SYT1: variants seen among roughly 807,000 people sequenced by gnomAD.
SYT1 encodes synaptotagmin-1.
A neutral mutation model predicts 44.8 loss-of-function variants in SYT1; 8 were observed. The ratio of observed to expected loss-of-function variants is 0.18; its 90% CI spans 0.10 to 0.32. SYT1 has a LOEUF of 0.32. SYT1 is among the 10% of genes least tolerant of loss of function. SYT1 has a pLI of 1.00. For missense variants in SYT1, 286 were observed against 509.3 expected (o/e 0.56, Z 4.22); for synonymous variants, 154 against 188.8 (o/e 0.82, Z 1.51).
chr12:79,435,142 A>G (rs1433614510), intron 9 of SYT1, among the ~76,000 whole-genome samples: 1 of 152,066 alleles, frequency 6.6e-6, no homozygotes, highest in Non-Finnish European at 1.5e-5. Context: ...ATGATATAAG[A>G]CTTGTAGCTG....
At chr12:79,057,562 A>AATATATT (rs1332416883) in intron 3 of SYT1, among the ~76,000 whole-genome samples, 14 of 152,060 alleles carry the variant, frequency 9.2e-5, no homozygotes, top group Non-Finnish European at 1.9e-4. Context: ...CCTAGGAAGT[A>AATATATT]ATATATTTTT....
At chr12:79,328,081 T>C (rs914604995) in intron 8 of SYT1, among the ~76,000 whole-genome samples, 23 of 152,306 alleles carry the variant, frequency 1.5e-4, no homozygotes, top group African/African-American at 5.5e-4. Context: ...AGAAAGCCAA[T>C]TTTTTGGCAG....
At chr12:79,308,156 T>A (rs1339605432) in intron 8 of SYT1, among the ~76,000 whole-genome samples, 3 of 152,200 alleles carry the variant, frequency 2.0e-5, no homozygotes, top group African/African-American at 7.2e-5. Flanking sequence ...CTGTAAGTCA[T>A]GCCAATATGA....
chr12:79,220,192 C>A (rs1875070672), intron 4 of SYT1, among the ~76,000 whole-genome samples: 1 of 151,802 alleles, frequency 6.6e-6, no homozygotes, highest in Admixed American at 6.6e-5. Flanking sequence ...CTTGGTTATC[C>A]AATTTGTTGG....
In SYT1 at chr12:79,018,358, G is replaced by C. The variant is rs554501143; in HGVS notation, c.-83-28939G>C. Among the ~76,000 whole-genome samples the C allele has an allele frequency of 7.6e-5, 11 of 145,338 alleles. No individual in the cohort carries two copies. In the South Asian group the frequency reaches 1.9e-3, roughly 25 times the overall value. ...AGGGACGGTTGTGGGGTAGGGGAGG[G>C]GGGAGGGATAGCATTAGGAGATATA... On this transcript the variant is annotated intron_variant, in intron 2 of 10. Transcript: ENST00000261205.
intron 1 of SYT1, among the ~76,000 whole-genome samples, chr12:78,965,170 G>A (rs1046602389): frequency 1.3e-5 from 2 of 151,964 alleles, no homozygotes; most frequent in African/African-American, 2.4e-5. Context: ...CTATTTGTTA[G>A]TTCCTCACCA....
intron 2 of SYT1, among the ~76,000 whole-genome samples, chr12:78,981,868 C>T (rs987898968): frequency 1.3e-5 from 2 of 152,100 alleles, no homozygotes; most frequent in South Asian, 2.1e-4. Context: ...TTGTATTTTA[C>T]CATTTCTCAT....
chr12:78,981,039 A>T (rs868659216), intron 2 of SYT1, among the ~76,000 whole-genome samples: 2 of 151,776 alleles, frequency 1.3e-5, no homozygotes, highest in Non-Finnish European at 2.9e-5. Context: ...TTGCTCATAA[A>T]TGGTAGGCTT....
intron 9 of SYT1, among the ~76,000 whole-genome samples, chr12:79,409,637 G>A (rs1868344154): frequency 6.6e-6 from 1 of 152,042 alleles, no homozygotes; most frequent in Admixed American, 6.6e-5. Context: ...TCTAAAGCCA[G>A]TTTTCAGTTT....
chr12:79,282,808 A>C (rs1879118526), intron 4 of SYT1, among the ~76,000 whole-genome samples: 1 of 151,976 alleles, frequency 6.6e-6, no homozygotes, highest in South Asian at 2.1e-4. Context: ...AGTGATACTG[A>C]ACAAAACTGC....
At chr12:79,207,400 T>C (rs892928003) in intron 3 of SYT1, among the ~76,000 whole-genome samples, 1 of 152,226 alleles carries the variant, frequency 6.6e-6, no homozygotes, top group Non-Finnish European at 1.5e-5. Flanking sequence ...CCAGGATACA[T>C]GTACAGGACA....
chr12:78,869,022 G>A (rs1873686602), intron 1 of SYT1: 1 of 151,768 alleles, frequency 6.6e-6, no homozygotes, highest in African/African-American at 2.4e-5. Context: ...TTGCATTAAG[G>A]TAAACATTCT....
At chr12:79,069,395 CT>C (rs1390038665) in intron 3 of SYT1, among the ~76,000 whole-genome samples, 1 of 152,026 alleles carries the variant, frequency 6.6e-6, no homozygotes, top group African/African-American at 2.4e-5. Context: ...GACTTAAGCT[CT>C]TATTTAAATG....
intron 8 of SYT1, among the ~76,000 whole-genome samples, chr12:79,337,299 A>G (rs1420708574): frequency 6.6e-6 from 1 of 152,144 alleles, no homozygotes; most frequent in East Asian, 1.9e-4. Flanking sequence ...CAGCTCCCTG[A>G]CAAGAAGGAA....
chr12:78,977,140 G>A (rs553545499), intron 1 of SYT1, among the ~76,000 whole-genome samples: 6 of 152,220 alleles, frequency 3.9e-5, no homozygotes, highest in South Asian at 4.2e-4. Flanking sequence ...AAGGGAACCC[G>A]AAAGGGCAAA....
At chr12:78,941,065 C>CTTTTTTTTTTTTTTTTTTTTTTTTTTT (rs398044555) in intron 1 of SYT1, among the ~76,000 whole-genome samples, 7 of 68,444 alleles carry the variant, frequency 1.0e-4, no homozygotes, top group Admixed American at 3.7e-4. Flanking sequence ...CTTTTTTTTT[C>CTTTTTTTTTTTTTTTTTTTTTTTTTTT]TTTTTTTTTT....
At chr12:79,082,153 G>T (rs764320560) in intron 3 of SYT1, among the ~76,000 whole-genome samples, 1 of 152,118 alleles carries the variant, frequency 6.6e-6, no homozygotes, top group Admixed American at 6.6e-5. Flanking sequence ...ACCTTTTATA[G>T]ATGCTTTCTT....
At chr12:79,112,114 G>A (rs1050617191) in intron 3 of SYT1, among the ~76,000 whole-genome samples, 1 of 151,700 alleles carries the variant, frequency 6.6e-6, no homozygotes, top group African/African-American at 2.4e-5. Context: ...AATTTTATTA[G>A]GTAATTAATC....
chr12:79,100,475 A>G (rs1274589645), intron 3 of SYT1, among the ~76,000 whole-genome samples: 1 of 152,166 alleles, frequency 6.6e-6, no homozygotes, highest in East Asian at 1.9e-4. Context: ...GAGGAGAGGA[A>G]GGAAAAGAAG....
Sources: gnomAD v4.1 joint callset for allele counts (sites outside exome capture counted in the v4.1 genomes callset) on GRCh38, gnomAD v4.1.1 for gene constraint, MANE v1.5 for transcripts, NCBI Gene and HGNC (gene_info 2026-07-23, HGNC 2026-07-21) for gene names.